Variants in FBXW10 observed in about 807,000 individuals in gnomAD.
FBXW10 encodes the protein F-box and WD repeat domain containing 10.
FBXW10 carries 68 observed loss-of-function variants against 113.1 expected under a neutral mutation model. That is an observed-to-expected ratio of 0.60 (90% CI 0.49 to 0.74). The LOEUF (loss-of-function observed/expected upper bound fraction) is 0.74, where lower values mean the gene tolerates loss of function less well. Ranked by LOEUF, FBXW10 falls within the 30% of genes least tolerant of loss-of-function variation. The pLI is 0.00. For synonymous variants in FBXW10, 289 were observed against 481.6 expected (o/e 0.60, Z 5.24); for missense variants, 753 against 1,284.5 (o/e 0.59, Z 6.32).
chr17:18,747,960 A>C lies in FBXW10; in HGVS notation c.525A>C (p.Thr175=), dbSNP rs759466599. The change falls in exon 2 of 14, where the codon ACA becomes ACC. Residue 175 remains threonine, a synonymous_variant. Coordinates refer to ENST00000395665, the MANE Select transcript of FBXW10 (RefSeq NM_001267585.2). ...TTTCAGGGCTCAATCAAGACATCAC[A>C]GATGTGTGTTTTTCCCCTGAGAAAG... The part of the protein sequence containing the change: ...NNISGLNQDI[T]DVCFSPEKDH... 1.9e-6 allele frequency: 3 copies of C among 1,613,906 alleles called. No individual in the cohort carries two copies. The highest frequency in any genetic ancestry group is 2.5e-6 in the Non-Finnish European group (3 of 1,179,850).
chr17:18,772,775 G>T (rs1030722916), intron 12 of FBXW10, 92 bp downstream of exon 12: 5 of 1,155,524 alleles, frequency 4.3e-6, no homozygotes, highest in Non-Finnish European at 6.2e-6. Context: ...GGACTGGTTC[G>T]TTTGTGGAAT....
intron 9 of FBXW10, among the ~76,000 whole-genome samples, 177 bp from the exon 10 acceptor site, chr17:18,768,357 C>A (rs1419526531): frequency 6.6e-6 from 1 of 152,082 alleles, no homozygotes; most frequent in African/African-American, 2.4e-5. Context: ...TGAGCCACCG[C>A]ACCCGGCCTC....
intron 9 of FBXW10, among the ~76,000 whole-genome samples, chr17:18,767,668 A>G (rs1444085813): frequency 6.6e-6 from 1 of 152,178 alleles, no homozygotes; most frequent in East Asian, 1.9e-4. Context: ...GATTTGCAGC[A>G]GGAACACAGG....
chr17:18,748,089 G>A lies in FBXW10; in HGVS notation c.654G>A (p.Gly218=). 6.2e-7 allele frequency: 1 copy of A among 1,613,836 alleles called. No individual in the cohort carries two copies. The highest frequency in any genetic ancestry group is 8.5e-7 in the Non-Finnish European group (1 of 1,179,856). Reference sequence around the variant, plus strand: ...CCCCAGAAAATGAACACTTGCTTGGGGCAGCATCTAACCCTGGTAAGTGAA... The same window carrying A: ...CCCCAGAAAATGAACACTTGCTTGGAGCAGCATCTAACCCTGGTAAGTGAA... ...SKAPENEHLL[G]AASNPEEPWR... Residue 218 remains glycine (G), a synonymous_variant, in exon 2 of 14, where the codon GGG becomes GGA. Coordinates refer to ENST00000395665, the MANE Select transcript of FBXW10 (RefSeq NM_001267585.2).
intron 8 of FBXW10, 116 bp downstream of exon 8, chr17:18,764,979 C>T (rs2035463820): frequency 2.5e-6 from 4 of 1,600,398 alleles, no homozygotes; most frequent in Admixed American, 3.4e-5. Context: ...TATCATCCAT[C>T]CATCCATCCA....
intron 7 of FBXW10, among the ~76,000 whole-genome samples, chr17:18,761,623 TTTACCA>T (rs2035387892): frequency 1.3e-5 from 2 of 152,198 alleles, no homozygotes; most frequent in African/African-American, 4.8e-5. Context: ...TTGGAGTAAG[TTTACCA>T]ACTTTCAATA....
In FBXW10 at chr17:18,748,057, T is replaced by C. The variant is rs376241364; in HGVS notation, c.622T>C (p.Ser208Pro). ...AACTCAGCACACATCCCTTCCTTTG[T>C]CCAAAGCCCCAGAAAATGAACACTT... ...AKTQHTSLPL[S>P]KAPENEHLLG... Residue 208 changes from serine (S) to proline (P), a missense_variant, in exon 2 of 14, where the codon TCC becomes CCC. Physicochemically the swap from Ser to Pro is moderately conservative, Grantham distance 74. Transcript: ENST00000395665. 37 of 1,613,716 alleles carry C rather than the reference T, an allele frequency of 2.3e-5. No homozygotes were observed. The highest frequency in any genetic ancestry group is 6.7e-5 in the Admixed American group (4 of 59,984).
At chr17:18,759,613 T>C (rs150515943) in intron 7 of FBXW10, among the ~76,000 whole-genome samples, 8,162 of 136,408 alleles carry the variant, frequency 0.06, 659 homozygotes, top group East Asian at 0.45. Flanking sequence ...TTGTTTCTAG[T>C]TTTTTGTTTT....
chr17:18,766,904 G>C, intron 9 of FBXW10, 42 bp downstream of exon 9: 3 of 1,539,134 alleles, frequency 1.9e-6, no homozygotes, highest in South Asian at 1.2e-5. Context: ...GGGCACTGGG[G>C]AGGAGATGGG....
intron 10 of FBXW10, 89 bp from the exon 11 acceptor site, chr17:18,769,838 C>G (rs1315936369): frequency 4.2e-6 from 6 of 1,432,510 alleles, no homozygotes; most frequent in Non-Finnish European, 5.7e-6. Context: ...CAGTGCTGCT[C>G]AATCACACAC....
intron 5 of FBXW10, among the ~76,000 whole-genome samples, chr17:18,751,279 G>A (rs2035164964): frequency 6.6e-6 from 1 of 150,572 alleles, no homozygotes; most frequent in East Asian, 1.9e-4. Context: ...AGGCTGGAGT[G>A]CAGTGGCACA....
intron 8 of FBXW10, among the ~76,000 whole-genome samples, chr17:18,765,200 T>C (rs1162573721): frequency 6.6e-6 from 1 of 152,222 alleles, no homozygotes; most frequent in East Asian, 1.9e-4. Context: ...TAGTGGGGAA[T>C]ATAATAAGTC....
intron 7 of FBXW10, among the ~76,000 whole-genome samples, chr17:18,759,563 G>A (rs28626269): frequency 0.39 from 58,925 of 149,962 alleles, 10,564 homozygotes; most frequent in Non-Finnish European, 0.44. Flanking sequence ...TGATTGTATC[G>A]TAACTCATTT....
chr17:18,754,808 A>G (rs2035228720), intron 5 of FBXW10, among the ~76,000 whole-genome samples: 2 of 152,174 alleles, frequency 1.3e-5, no homozygotes, highest in South Asian at 4.1e-4. Context: ...TTGGGAAGCA[A>G]ATGAAAGCGC....
Position 18,778,617 on chromosome 17 carries a change from T to C in FBXW10, c.2478T>C (p.His826=), listed in dbSNP as rs763471972. The part of the protein sequence containing the change: ...LLTVSALQHA[H]NSGEFAYPCR... The stretch of plus-strand genomic sequence containing the variant: ...CTGTTAGCGCCCTGCAGCACGCCCA[T>C]AATTCCGGGGAATTTGCCTATCCCT... The change falls in exon 14 of 14, where the codon CAT becomes CAC. Residue 826 remains histidine, a synonymous_variant. Coordinates refer to ENST00000395665, the MANE Select transcript of FBXW10 (RefSeq NM_001267585.2). The C allele has an allele frequency of 1.2e-6, 2 of 1,613,926 alleles. No homozygotes were observed. Among genetic ancestry groups the C allele is most frequent in the Non-Finnish European group, 1.7e-6 (2 of 1,179,860 alleles).
chr17:18,763,670 G>A (rs1243050318), intron 7 of FBXW10, among the ~76,000 whole-genome samples: 1 of 152,140 alleles, frequency 6.6e-6, no homozygotes, highest in Non-Finnish European at 1.5e-5. Flanking sequence ...GAGAGACCTT[G>A]GGCAAGTGTT....
At chr17:18,771,227 C>T (rs1403440737) in intron 11 of FBXW10, among the ~76,000 whole-genome samples, 2 of 152,154 alleles carry the variant, frequency 1.3e-5, no homozygotes, top group Non-Finnish European at 2.9e-5. Flanking sequence ...AATGACACCC[C>T]GCATTCCATT....
intron 12 of FBXW10, 46 bp downstream of exon 12, chr17:18,772,729 A>T: frequency 6.5e-7 from 1 of 1,539,856 alleles, no homozygotes; most frequent in Non-Finnish European, 8.8e-7. Context: ...CCCACAGAGC[A>T]GGTCGGGGTT....
chr17:18,761,240 G>A lies in FBXW10; in HGVS notation c.1433+2735G>A, dbSNP rs962767872. 2.4e-4 allele frequency among the ~76,000 whole-genome samples: 36 copies of A among 150,478 alleles called. No individual in the cohort carries two copies. The Middle Eastern group carries it at 0.014, about 57-fold the overall frequency. On this transcript the variant is annotated intron_variant, in intron 7 of 13. Coordinates refer to ENST00000395665, the MANE Select transcript of FBXW10 (RefSeq NM_001267585.2). ...TTTGGAGAATGTTTTAAAATGTGAC[G>A]GGGAGGGAAATTCTACTTTTCACTT...
Sources: gnomAD v4.1 joint callset for allele counts (sites outside exome capture counted in the v4.1 genomes callset) on GRCh38, gnomAD v4.1.1 for gene constraint, MANE v1.5 for transcripts, NCBI Gene and HGNC (gene_info 2026-07-23, HGNC 2026-07-21) for gene names.